Variants in CAMTA1 observed in about 807,000 individuals in gnomAD.
CAMTA1 encodes calmodulin binding transcription activator 1.
Under a neutral mutation model 170.9 loss-of-function variants are expected in CAMTA1, and 27 were observed. The ratio of observed to expected loss-of-function variants is 0.16; its 90% CI spans 0.12 to 0.22. The LOEUF (loss-of-function observed/expected upper bound fraction) is 0.22. Among genes scored for constraint, CAMTA1 ranks in the 10% least tolerant of loss-of-function variants. The pLI is 1.00. For missense variants in CAMTA1, 1,619 were observed against 2,217.2 expected (o/e 0.73, Z 5.42); for synonymous variants, 833 against 891.5 (o/e 0.93, Z 1.17).
At chr1:7,705,337 G>A (rs1431030989) in intron 11 of CAMTA1, among the ~76,000 whole-genome samples, 4 of 151,252 alleles carry the variant, frequency 2.6e-5, no homozygotes, top group Non-Finnish European at 4.4e-5. Flanking sequence ...GCCCGGGGCC[G>A]TGTGTCTGGA....
At chr1:7,396,120 T>C (rs559862112) in intron 5 of CAMTA1, among the ~76,000 whole-genome samples, 29 of 152,316 alleles carry the variant, frequency 1.9e-4, no homozygotes, top group African/African-American at 7.0e-4. Context: ...TGCAGGCAGA[T>C]CCCTCATGAA....
intron 22 of CAMTA1, 94 bp downstream of exon 22, chr1:7,755,762 C>T: frequency 9.9e-7 from 1 of 1,007,932 alleles, no homozygotes; most frequent in Non-Finnish European, 1.6e-6. Context: ...CCTAGGTATG[C>T]CAGTAAGTTT....
intron 5 of CAMTA1, among the ~76,000 whole-genome samples, chr1:7,307,273 T>G (rs1675738547): frequency 6.6e-6 from 1 of 152,062 alleles, no homozygotes; most frequent in Non-Finnish European, 1.5e-5. Context: ...AAAATACAAC[T>G]GAGTTTTGTG....
chr1:7,453,056 C>G (rs2092867074), intron 5 of CAMTA1, among the ~76,000 whole-genome samples: 1 of 152,234 alleles, frequency 6.6e-6, no homozygotes, highest in South Asian at 2.1e-4. Flanking sequence ...CTGGCCTGCT[C>G]TCAGCCCATG....
chr1:7,659,302 A>AGGG (rs1558072434), intron 7 of CAMTA1, among the ~76,000 whole-genome samples: 2 of 152,020 alleles, frequency 1.3e-5, no homozygotes, highest in African/African-American at 4.8e-5. Context: ...TGGGAGGCCA[A>AGGG]AGGGGGGTGG....
intron 21 of CAMTA1, among the ~76,000 whole-genome samples, chr1:7,754,460 C>T (rs2096918091): frequency 6.6e-6 from 1 of 152,102 alleles, no homozygotes; most frequent in Admixed American, 6.5e-5. Context: ...AGCTGTGTCC[C>T]GTGTTTACTT....
intron 5 of CAMTA1, among the ~76,000 whole-genome samples, chr1:7,367,129 G>A (rs1323525416): frequency 2.0e-5 from 3 of 152,154 alleles, no homozygotes; most frequent in East Asian, 1.9e-4. Flanking sequence ...AGAAAGAGAC[G>A]GGGAGTTGGC....
intron 3 of CAMTA1, among the ~76,000 whole-genome samples, chr1:6,867,378 G>A (rs1383086905): frequency 6.6e-6 from 1 of 152,010 alleles, no homozygotes; most frequent in Non-Finnish European, 1.5e-5. Flanking sequence ...TGTAGGTATA[G>A]GTTGCTGTAA....
intron 11 of CAMTA1, among the ~76,000 whole-genome samples, chr1:7,719,665 G>A (rs1048283957): frequency 2.0e-5 from 3 of 152,018 alleles, no homozygotes; most frequent in Admixed American, 1.3e-4. Flanking sequence ...ATCTCCACCC[G>A]GCCCTTACCC....
intron 1 of CAMTA1, among the ~76,000 whole-genome samples, chr1:6,801,722 G>C (rs1385041280): frequency 6.6e-6 from 1 of 151,438 alleles, no homozygotes; most frequent in Non-Finnish European, 1.5e-5. Flanking sequence ...GAGAAAACTA[G>C]TTATAATGTC....
At chr1:7,053,894 C>T (rs146908790) in intron 3 of CAMTA1, among the ~76,000 whole-genome samples, 196 of 152,322 alleles carry the variant, frequency 1.3e-3, no homozygotes, top group African/African-American at 4.4e-3. Context: ...TGGTGGGAGA[C>T]AGCCCTTAAA....
intron 6 of CAMTA1, among the ~76,000 whole-genome samples, chr1:7,576,595 T>G (rs1430148521): frequency 6.6e-6 from 1 of 152,196 alleles, no homozygotes; most frequent in African/African-American, 2.4e-5. Context: ...TCTTGGACTT[T>G]CCAGCCTCCA....
intron 5 of CAMTA1, among the ~76,000 whole-genome samples, chr1:7,356,159 G>T (rs939011714): frequency 6.6e-6 from 1 of 152,206 alleles, no homozygotes; most frequent in African/African-American, 2.4e-5. Flanking sequence ...CAGCAGGCTT[G>T]CTGCTTTGGC....
chr1:7,350,967 T>C (rs995995320), intron 5 of CAMTA1, among the ~76,000 whole-genome samples: 1 of 152,254 alleles, frequency 6.6e-6, no homozygotes, highest in African/African-American at 2.4e-5. Context: ...GGCTTCCCGG[T>C]AGGGCACTTC....
At chr1:6,816,374 G>T (rs1645813179) in intron 1 of CAMTA1, among the ~76,000 whole-genome samples, 2 of 152,140 alleles carry the variant, frequency 1.3e-5, no homozygotes, top group Admixed American at 6.5e-5. Context: ...TGTCTGTCTT[G>T]TTCAGTGCTG....
intron 3 of CAMTA1, among the ~76,000 whole-genome samples, chr1:6,906,319 C>T (rs1234135115): frequency 6.6e-6 from 1 of 152,128 alleles, no homozygotes; most frequent in Non-Finnish European, 1.5e-5. Context: ...ATACTGAGCC[C>T]AGTGCATTTG....
At chr1:6,949,920 A>G (rs1688193218) in intron 3 of CAMTA1, among the ~76,000 whole-genome samples, 1 of 152,168 alleles carries the variant, frequency 6.6e-6, no homozygotes, top group Non-Finnish European at 1.5e-5. Flanking sequence ...TCCCCATGGG[A>G]CAGGAAAAGG....
At chr1:6,915,023 C>T (rs376705121) in intron 3 of CAMTA1, among the ~76,000 whole-genome samples, 4 of 152,198 alleles carry the variant, frequency 2.6e-5, no homozygotes, top group African/African-American at 9.7e-5. Flanking sequence ...CCTGCTCTGG[C>T]TCTGTGGGCT....
At chr1:7,228,491 T>A (rs1309756281) in intron 4 of CAMTA1, among the ~76,000 whole-genome samples, 1 of 152,192 alleles carries the variant, frequency 6.6e-6, no homozygotes, top group Non-Finnish European at 1.5e-5. Context: ...AGCAGGGCCC[T>A]GTGGTCTCTG....
Sources: gnomAD v4.1 joint callset for allele counts (sites outside exome capture counted in the v4.1 genomes callset) on GRCh38, gnomAD v4.1.1 for gene constraint, MANE v1.5 for transcripts, NCBI Gene and HGNC (gene_info 2026-07-23, HGNC 2026-07-21) for gene names.